The following PCDHGA11 variants were observed in gnomAD, a reference collection of about 807,000 sequenced individuals.
PCDHGA11 encodes protocadherin gamma subfamily A, 11, also known as protocadherin gamma-A11.
A neutral mutation model predicts 60.4 loss-of-function variants in PCDHGA11; 39 were observed. That is an observed-to-expected ratio of 0.65 (90% CI 0.50 to 0.84). The LOEUF (loss-of-function observed/expected upper bound fraction) is 0.84. Ranked by LOEUF, PCDHGA11 falls within the 40% of genes least tolerant of loss-of-function variation. PCDHGA11 has a pLI of 0.00. For missense variants in PCDHGA11, 1,165 were observed against 1,197.7 expected (o/e 0.97, Z 0.40); for synonymous variants, 533 against 510.3 (o/e 1.04, Z -0.60).
At chr5:141,461,817 C>A (rs2099023873) in intron 1 of PCDHGA11, among the ~76,000 whole-genome samples, 1 of 150,844 alleles carries the variant, frequency 6.6e-6, no homozygotes, top group South Asian at 2.1e-4. Flanking sequence ...CCACACCCAG[C>A]TAATTTTTTT....
chr5:141,422,643 C>T lies in PCDHGA11; in HGVS notation c.1416C>T (p.Ile472=). The T allele has an allele frequency of 6.2e-7, 1 of 1,612,336 alleles. No homozygotes were observed. The highest frequency in any genetic ancestry group is 8.5e-7 in the Non-Finnish European group (1 of 1,179,000). The part of the protein sequence containing the change: ...IPENNPRGAS[I]FSVTALDPDS... ...AAAACAACCCCAGGGGTGCCTCCAT[C>T]TTCTCAGTGACCGCCCTCGACCCGG... Residue 472 remains isoleucine, a synonymous_variant, in exon 1 of 4, where the codon ATC becomes ATT. Transcript: ENST00000398587.
At chr5:141,450,702 G>A (rs1466981422) in intron 1 of PCDHGA11, among the ~76,000 whole-genome samples, 1 of 152,026 alleles carries the variant, frequency 6.6e-6, no homozygotes, top group Non-Finnish European at 1.5e-5. Flanking sequence ...GCCCAGGATG[G>A]TCTCCAACTC....
chr5:141,472,980 C>CAAAAAAAAAAAAAAAAAAAA (rs60579131), intron 1 of PCDHGA11, among the ~76,000 whole-genome samples: 7 of 86,088 alleles, frequency 8.1e-5, no homozygotes, highest in South Asian at 4.3e-4. Flanking sequence ...GAGTGAAACT[C>CAAAAAAAAAAAAAAAAAAAA]AAAAAAAAAA....
chr5:141,498,940 A>G (rs527366029), intron 2 of PCDHGA11, among the ~76,000 whole-genome samples: 57 of 140,142 alleles, frequency 4.1e-4, no homozygotes, highest in Non-Finnish European at 7.3e-4. Flanking sequence ...CAGGAAAGAA[A>G]GAAAGAAAAA....
At chr5:141,488,217 A>G (rs537136341) in intron 1 of PCDHGA11, among the ~76,000 whole-genome samples, 2 of 152,274 alleles carry the variant, frequency 1.3e-5, no homozygotes, top group East Asian at 1.9e-4. Flanking sequence ...TCAAGTCCCT[A>G]CTGGGGATTT....
At chr5:141,443,317 C>CA (rs35054295) in intron 1 of PCDHGA11, among the ~76,000 whole-genome samples, 76,100 of 141,790 alleles carry the variant, frequency 0.54, 21,234 homozygotes, top group African/African-American at 0.75. Flanking sequence ...CCCATCTCTA[C>CA]AAAAAAAAAA....
At chr5:141,501,540 A>G (rs151047391) in intron 2 of PCDHGA11, among the ~76,000 whole-genome samples, 2 of 152,138 alleles carry the variant, frequency 1.3e-5, no homozygotes, top group East Asian at 3.9e-4. Flanking sequence ...GTTGTTGTGC[A>G]TAAGATCATA....
chr5:141,490,808 A>C lies in PCDHGA11; in HGVS notation c.2434-3999A>C. On this transcript the variant is annotated intron_variant, in intron 1 of 3. Coordinates refer to ENST00000398587, the MANE Select transcript of PCDHGA11 (RefSeq NM_018914.3). The surrounding 1 kb of genome is among the most constrained non-coding windows in gnomAD (Gnocchi z 5.4). The stretch of plus-strand genomic sequence containing the variant: ...CGGATCTTTGCCCAGCGTACCTTTG[A>C]CTATGAATTGCTGCAGATGCTGCAG... 1 of 1,613,884 alleles carries C rather than the reference A, an allele frequency of 6.2e-7. No homozygotes were observed. The highest frequency in any genetic ancestry group is 8.5e-7 in the Non-Finnish European group (1 of 1,179,874).
At chr5:141,446,450 T>C (rs922188307) in intron 1 of PCDHGA11, among the ~76,000 whole-genome samples, 2 of 152,018 alleles carry the variant, frequency 1.3e-5, no homozygotes, top group Non-Finnish European at 2.9e-5. Context: ...AGTGCAGATA[T>C]TCAGTGTGTG....
rs1290674122 is a variant in PCDHGA11 at position 141,489,521 on chromosome 5, G to A, written c.2434-5286G>A. 3 of 1,613,988 alleles carry A rather than the reference G, an allele frequency of 1.9e-6. No individual in the cohort carries two copies. The highest frequency in any genetic ancestry group is 2.2e-5 in the East Asian group (1 of 44,886). On this transcript the variant is annotated intron_variant, in intron 1 of 3. Coordinates refer to ENST00000398587, the MANE Select transcript of PCDHGA11 (RefSeq NM_018914.3). This position sits in a 1 kb window ranked among gnomAD's most constrained non-coding sequence, Gnocchi z 4.5. ...GTGAATCAAAAGATTGACCGAGAAAGCCTATGTGGAGCCAGCACCAGCTGC... is the reference window on the plus strand; with the variant it reads ...GTGAATCAAAAGATTGACCGAGAAAACCTATGTGGAGCCAGCACCAGCTGC...
At chr5:141,444,002 C>T (rs2098413409) in intron 1 of PCDHGA11, among the ~76,000 whole-genome samples, 1 of 151,918 alleles carries the variant, frequency 6.6e-6, no homozygotes, top group African/African-American at 2.4e-5. Flanking sequence ...TAAATGCTAC[C>T]TGGGTATTGG....
Position 141,511,565 on chromosome 5 carries a change from AG to A in PCDHGA11, c.*393del, listed in dbSNP as rs2099883852. 6.8e-6 allele frequency: 2 copies of A among 296,092 alleles called. No homozygotes were observed. Among genetic ancestry groups the A allele is most frequent in the South Asian group, 7.4e-5 (2 of 26,988 alleles). The allele number at this position is 296,092 out of a possible 1,614,324, so 18.3% of individuals were successfully genotyped here. On this transcript the variant is annotated 3_prime_UTR_variant, in exon 4 of 4. Transcript: ENST00000398587. ...CCACTCCAACAGTTCCTCTTTCCCG[AG>A]TAAGGTGGTTGGGGTGTTGAAGTAC...
intron 1 of PCDHGA11, chr5:141,424,602 T>G (rs2154550827): frequency 6.6e-6 from 1 of 152,334 alleles, no homozygotes; most frequent in African/African-American, 2.4e-5. Flanking sequence ...GTCTACAGAT[T>G]TATTCAAATA....
intron 1 of PCDHGA11, among the ~76,000 whole-genome samples, chr5:141,470,591 G>A (rs1271473509): frequency 1.3e-5 from 2 of 152,132 alleles, no homozygotes; most frequent in African/African-American, 4.8e-5. Flanking sequence ...ATAGGCAGGC[G>A]ACCTGTGCGG....
chr5:141,431,513 C>G lies in PCDHGA11; in HGVS notation c.2433+7853C>G. ...TCAGCCCGAGTACCGCGCGAGCGTT[C>G]CGGAGAATCTGGCCTTGGGCACGCA... On this transcript the variant is annotated intron_variant, in intron 1 of 3. Transcript: ENST00000398587. The surrounding 1 kb of genome is among the most constrained non-coding windows in gnomAD (Gnocchi z 4.8). 6.2e-7 allele frequency: 1 copy of G among 1,614,022 alleles called. No homozygotes were observed. Among genetic ancestry groups the G allele is most frequent in the South Asian group, 1.1e-5 (1 of 91,088 alleles).
At position 141,494,885 on chromosome 5, in the gene PCDHGA11, G is replaced by T; in HGVS notation, c.2492+20G>T. The T allele has an allele frequency of 6.8e-6, 11 of 1,614,082 alleles. No homozygotes were observed. The highest frequency in any genetic ancestry group is 8.5e-6 in the Non-Finnish European group (10 of 1,179,992). Reference sequence around the variant, plus strand: ...CAGCGGGTAGGTGACTGATTCTCCAGCCCACCCTCTTCTCTGCGGCATTTT... The same window carrying T: ...CAGCGGGTAGGTGACTGATTCTCCATCCCACCCTCTTCTCTGCGGCATTTT... On this transcript the variant is annotated intron_variant, in intron 2 of 3. Transcript: ENST00000398587.
intron 2 of PCDHGA11, among the ~76,000 whole-genome samples, chr5:141,501,290 TACACAC>T (rs55762287): frequency 0.081 from 10,957 of 136,038 alleles, 480 homozygotes; most frequent in African/African-American, 0.13. Context: ...TATTCCCTTA[TACACAC>T]ACACACACAC....
chr5:141,487,421 C>G lies in PCDHGA11; in HGVS notation c.2434-7386C>G. On this transcript the variant is annotated intron_variant, in intron 1 of 3. Transcript: ENST00000398587. This position sits in a 1 kb window ranked among gnomAD's most constrained non-coding sequence, Gnocchi z 5.0. ...GGGGCTTCCCCCTTCCAATGGGATC[C>G]TCCGAATCCAGCTAGGGTCAGATGA... 1 of 1,614,144 alleles carries G rather than the reference C, an allele frequency of 6.2e-7. No individual in the cohort carries two copies. The highest frequency in any genetic ancestry group is 8.5e-7 in the Non-Finnish European group (1 of 1,180,022).
At chr5:141,433,383 CT>C (rs2097595660) in intron 1 of PCDHGA11, among the ~76,000 whole-genome samples, 1 of 151,456 alleles carries the variant, frequency 6.6e-6, no homozygotes, top group Non-Finnish European at 1.5e-5. Context: ...ATCTATCTAT[CT>C]ATCTATCTAT....
Sources: allele counts gnomAD v4.1 joint callset (sites outside exome capture counted in the v4.1 genomes callset), GRCh38; gene constraint gnomAD v4.1.1; non-coding constraint Gnocchi (gnomAD v3.1); transcripts MANE v1.5; gene names NCBI Gene and HGNC (gene_info 2026-07-23, HGNC 2026-07-21).